Variants in KCNQ5 observed in about 807,000 individuals in gnomAD.
KCNQ5 encodes the protein potassium voltage-gated channel subfamily Q member 5.
Under a neutral mutation model 98.2 loss-of-function variants are expected in KCNQ5, and 30 were observed. That is an observed-to-expected ratio of 0.31 (90% confidence interval 0.23 to 0.41). The LOEUF (loss-of-function observed/expected upper bound fraction) is 0.41, where lower values mean the gene tolerates loss of function less well. KCNQ5 is among the 10% of genes least tolerant of loss of function. The probability of loss-of-function intolerance (pLI) is 1.00; values close to 1 mark genes in which losing one functional copy is unlikely to be tolerated. For synonymous variants in KCNQ5, 458 were observed against 449.4 expected (o/e 1.02, Z -0.24); for missense variants, 835 against 1,182.5 (o/e 0.71, Z 4.31).
chr6:72,847,108 A>T (rs1562021512), intron 1 of KCNQ5, among the ~76,000 whole-genome samples: 1 of 151,956 alleles, frequency 6.6e-6, no homozygotes, highest in East Asian at 1.9e-4. Context: ...TCTCTTAAAA[A>T]AATAATAATA....
chr6:72,976,973 T>C (rs1189207316), intron 1 of KCNQ5, among the ~76,000 whole-genome samples: 1 of 152,244 alleles, frequency 6.6e-6, no homozygotes, highest in East Asian at 1.9e-4. Context: ...TATTGTTTCA[T>C]GTTTTACATT....
intron 1 of KCNQ5, among the ~76,000 whole-genome samples, chr6:72,765,238 A>C (rs1483760767): frequency 6.6e-6 from 1 of 152,054 alleles, no homozygotes; most frequent in Non-Finnish European, 1.5e-5. Flanking sequence ...ATTCCCACCA[A>C]CAGTGTACAA....
intron 5 of KCNQ5, among the ~76,000 whole-genome samples, chr6:73,100,642 C>A: frequency 6.6e-6 from 1 of 150,720 alleles, no homozygotes. Context: ...GCACTCCAGC[C>A]TGGGCAACAG....
At chr6:73,184,131 GTAGTATT>G (rs1382256218) in intron 11 of KCNQ5, among the ~76,000 whole-genome samples, 1 of 152,058 alleles carries the variant, frequency 6.6e-6, no homozygotes, top group African/African-American at 2.4e-5. Flanking sequence ...TTATCATGTT[GTAGTATT>G]ACATATTTCT....
intron 10 of KCNQ5, among the ~76,000 whole-genome samples, chr6:73,138,012 A>C (rs1776541347): frequency 6.6e-6 from 1 of 152,100 alleles, no homozygotes; most frequent in Non-Finnish European, 1.5e-5. Flanking sequence ...TCAGCTGCCA[A>C]ACCTCTCAAC....
intron 5 of KCNQ5, among the ~76,000 whole-genome samples, chr6:73,088,308 A>T (rs1215554903): frequency 6.6e-6 from 1 of 152,146 alleles, no homozygotes; most frequent in Non-Finnish European, 1.5e-5. Context: ...GGCATAAGCC[A>T]CCGTGCCCAG....
chr6:73,120,750 T>C (rs1198471929), intron 8 of KCNQ5, among the ~76,000 whole-genome samples, 173 bp downstream of exon 8: 5 of 152,226 alleles, frequency 3.3e-5, no homozygotes, highest in African/African-American at 7.2e-5. Flanking sequence ...CTAAATGGAA[T>C]CAGTATCATT....
intron 1 of KCNQ5, among the ~76,000 whole-genome samples, chr6:72,698,280 G>A (rs1198424296): frequency 2.6e-5 from 4 of 152,026 alleles, no homozygotes; most frequent in Middle Eastern, 3.4e-3. Flanking sequence ...TTGGCTCACC[G>A]GTAACCTCCG....
intron 1 of KCNQ5, among the ~76,000 whole-genome samples, chr6:72,670,601 G>T (rs1045637329): frequency 6.6e-6 from 1 of 152,142 alleles, no homozygotes. Flanking sequence ...TAACTTAAAC[G>T]ACATGAATTT....
At chr6:73,081,764 GA>G (rs887055916) in intron 5 of KCNQ5, among the ~76,000 whole-genome samples, 18 of 151,578 alleles carry the variant, frequency 1.2e-4, no homozygotes, top group Admixed American at 6.6e-4. Flanking sequence ...CTATTGAAAA[GA>G]AAAAAAACTT....
At chr6:72,976,276 T>G (rs1362796454) in intron 1 of KCNQ5, among the ~76,000 whole-genome samples, 1 of 152,222 alleles carries the variant, frequency 6.6e-6, no homozygotes, top group Non-Finnish European at 1.5e-5. Context: ...ATTTACAACC[T>G]TTTTACGGAA....
At chr6:73,181,505 A>T (rs562708917) in intron 11 of KCNQ5, among the ~76,000 whole-genome samples, 1 of 152,334 alleles carries the variant, frequency 6.6e-6, no homozygotes, top group African/African-American at 2.4e-5. Context: ...CTTCTAAGGT[A>T]ATCCTTTGAA....
intron 3 of KCNQ5, among the ~76,000 whole-genome samples, chr6:73,075,147 A>G (rs1773474776): frequency 6.6e-6 from 1 of 152,200 alleles, no homozygotes; most frequent in East Asian, 1.9e-4. Flanking sequence ...ACAAAGTGAA[A>G]AGCCCCTTTA....
chr6:72,715,015 A>C (rs1769573917), intron 1 of KCNQ5, among the ~76,000 whole-genome samples: 2 of 152,202 alleles, frequency 1.3e-5, no homozygotes, highest in Admixed American at 6.5e-5. Flanking sequence ...TGTAGGCAAG[A>C]ATTCTAAAAT....
intron 3 of KCNQ5, among the ~76,000 whole-genome samples, chr6:73,076,771 T>C (rs139258775): frequency 7.4e-4 from 113 of 152,264 alleles, no homozygotes; most frequent in African/African-American, 2.6e-3. Flanking sequence ...ATATGCAAAG[T>C]TGCAGGTGCC....
intron 1 of KCNQ5, among the ~76,000 whole-genome samples, chr6:72,664,491 T>TA (rs1360148863): frequency 1.4e-5 from 2 of 148,042 alleles, no homozygotes; most frequent in Admixed American, 1.3e-4. Context: ...CTGTCTCTAC[T>TA]AGAAAAAACA....
At chr6:73,024,832 T>C (rs1562133335) in intron 2 of KCNQ5, among the ~76,000 whole-genome samples, 1 of 152,234 alleles carries the variant, frequency 6.6e-6, no homozygotes, top group Non-Finnish European at 1.5e-5. Flanking sequence ...GGCCCTAGCC[T>C]ATAAATGTTC....
intron 1 of KCNQ5, among the ~76,000 whole-genome samples, chr6:72,662,787 G>GA (rs1473678429): frequency 2.0e-5 from 3 of 151,958 alleles, no homozygotes; most frequent in South Asian, 2.1e-4. Flanking sequence ...ATTAGTAAGA[G>GA]AAAAACAAGG....
intron 1 of KCNQ5, among the ~76,000 whole-genome samples, chr6:72,864,125 T>G (rs1777879394): frequency 6.6e-6 from 1 of 152,228 alleles, no homozygotes; most frequent in African/African-American, 2.4e-5. Context: ...TATCAATTTT[T>G]TATATGCTTT....
Sources: gnomAD v4.1 joint callset for allele counts (sites outside exome capture counted in the v4.1 genomes callset) on GRCh38, gnomAD v4.1.1 for gene constraint, MANE v1.5 for transcripts, NCBI Gene and HGNC (gene_info 2026-07-23, HGNC 2026-07-21) for gene names.